The following MIS18A variants were observed in gnomAD, a reference collection of about 807,000 sequenced individuals.
MIS18A encodes protein Mis18-alpha.
In MIS18A, 14 loss-of-function variants were observed where a neutral mutation model predicts 25.0. The ratio of observed to expected loss-of-function variants is 0.56; its 90% CI spans 0.37 to 0.88. The LOEUF (loss-of-function observed/expected upper bound fraction) is 0.88. MIS18A is among the 40% of genes least tolerant of loss of function. The pLI, the probability that MIS18A is intolerant of heterozygous loss-of-function variation, is 0.00. For missense variants in MIS18A, 292 were observed against 290.8 expected, an observed-to-expected ratio of 1.00 and a Z score of -0.03; for synonymous variants, 134 against 118.6, an observed-to-expected ratio of 1.13 and a Z score of -0.84.
chr21:32,252,550 A>G, the MIS18A span, among the ~76,000 whole-genome samples: 3 of 152,186 alleles, frequency 2.0e-5, no homozygotes, highest in East Asian at 1.9e-4. Flanking sequence ...ATATTTTTTA[A>G]TGTAGTATTT....
the MIS18A span, among the ~76,000 whole-genome samples, chr21:32,221,501 A>G: frequency 1.3e-5 from 2 of 152,108 alleles, no homozygotes; most frequent in Non-Finnish European, 2.9e-5. Flanking sequence ...GGAAAGGAAA[A>G]ACCGGTACCA....
intron 2 of MIS18A, among the ~76,000 whole-genome samples, chr21:32,274,394 G>A (rs995727887): frequency 5.9e-5 from 9 of 151,776 alleles, no homozygotes; most frequent in Admixed American, 2.0e-4. Flanking sequence ...TAGTGGAGAC[G>A]GGGTTTTGCC....
At chr21:32,168,635 C>G in the MIS18A span, among the ~76,000 whole-genome samples, 1 of 152,026 alleles carries the variant, frequency 6.6e-6, no homozygotes, top group Non-Finnish European at 1.5e-5. Context: ...TGTTGTAAGG[C>G]CCTAGCATTA....
the MIS18A span, among the ~76,000 whole-genome samples, chr21:32,203,763 C>T: frequency 6.6e-6 from 1 of 151,778 alleles, no homozygotes; most frequent in Non-Finnish European, 1.5e-5. Flanking sequence ...ACTACAGGAA[C>T]ATGCCACCAT....
chr21:32,262,955 C>G, the MIS18A span, among the ~76,000 whole-genome samples: 1 of 152,190 alleles, frequency 6.6e-6, no homozygotes, highest in African/African-American at 2.4e-5. Context: ...GAAACTACAA[C>G]TCTATAGACT....
chr21:32,194,697 G>A, the MIS18A span, among the ~76,000 whole-genome samples: 1 of 151,904 alleles, frequency 6.6e-6, no homozygotes, highest in African/African-American at 2.4e-5. Flanking sequence ...AGACACCATG[G>A]AATACTACTC....
At chr21:32,240,128 C>T in the MIS18A span, among the ~76,000 whole-genome samples, 2 of 152,236 alleles carry the variant, frequency 1.3e-5, no homozygotes, top group Admixed American at 6.5e-5. Flanking sequence ...AACGTTGCAT[C>T]GCATTGCTGC....
At chr21:32,214,172 C>T in the MIS18A span, among the ~76,000 whole-genome samples, 9 of 152,280 alleles carry the variant, frequency 5.9e-5, no homozygotes, top group South Asian at 1.7e-3. Context: ...ACCCCACACC[C>T]CACCTCTCTT....
chr21:32,155,406 T>C, the MIS18A span, among the ~76,000 whole-genome samples: 3 of 152,144 alleles, frequency 2.0e-5, no homozygotes, highest in Non-Finnish European at 4.4e-5. Context: ...GCATTAGCAG[T>C]GAAACAGATC....
At chr21:32,190,017 T>C in the MIS18A span, among the ~76,000 whole-genome samples, 1 of 152,204 alleles carries the variant, frequency 6.6e-6, no homozygotes, top group Non-Finnish European at 1.5e-5. Context: ...AGTCTTGGTC[T>C]ACAAAGGTCT....
At chr21:32,268,126 C>A (rs570572929), downstream of MIS18A, 2 of 152,336 alleles carry the variant, frequency 1.3e-5, no homozygotes, top group East Asian at 1.9e-4. Flanking sequence ...CCTGAGCAGG[C>A]CTTCCACACT....
chr21:32,252,445 G>T, the MIS18A span, among the ~76,000 whole-genome samples: 73 of 151,958 alleles, frequency 4.8e-4, no homozygotes, highest in South Asian at 0.013. Context: ...GAAGGGGAGA[G>T]GAGGAGGAAA....
At chr21:32,183,491 T>C in the MIS18A span, among the ~76,000 whole-genome samples, 104 of 152,330 alleles carry the variant, frequency 6.8e-4, 1 homozygote, top group Admixed American at 2.5e-3. Context: ...CACAAACTCA[T>C]ATGAATGACT....
chr21:32,269,908 T>C (rs1325431597), intron 3 of MIS18A, 105 bp from the exon 4 acceptor site: 4 of 725,298 alleles, frequency 5.5e-6, no homozygotes, highest in Non-Finnish European at 9.6e-6. Flanking sequence ...GGCTAGGAGT[T>C]TGAAACCAGC....
At chr21:32,215,381 T>C in the MIS18A span, among the ~76,000 whole-genome samples, 1 of 152,234 alleles carries the variant, frequency 6.6e-6, no homozygotes, top group Admixed American at 6.5e-5. Context: ...GACCCACTGT[T>C]AAAAGCATCT....
chr21:32,267,827 A>G (rs984764267), downstream of MIS18A, among the ~76,000 whole-genome samples: 12 of 152,224 alleles, frequency 7.9e-5, no homozygotes, highest in Admixed American at 3.3e-4. Context: ...TTGCTTCCAC[A>G]GCACCATAGT....
chr21:32,173,995 T>A, the MIS18A span, among the ~76,000 whole-genome samples: 1 of 136,862 alleles, frequency 7.3e-6, no homozygotes, highest in Non-Finnish European at 1.6e-5. Context: ...AGACGGAGTC[T>A]CACTCTGTTA....
the MIS18A span, among the ~76,000 whole-genome samples, chr21:32,191,968 C>A: frequency 6.6e-6 from 1 of 152,076 alleles, no homozygotes; most frequent in African/African-American, 2.4e-5. Context: ...AAATTATCTC[C>A]CCTTACCCCC....
chr21:32,178,436 T>G, the MIS18A span, among the ~76,000 whole-genome samples: 1 of 152,222 alleles, frequency 6.6e-6, no homozygotes, highest in Non-Finnish European at 1.5e-5. Flanking sequence ...GACTTTCTTC[T>G]GGATTCATTT....
Sources: allele counts gnomAD v4.1 joint callset (sites outside exome capture counted in the v4.1 genomes callset), GRCh38; gene constraint gnomAD v4.1.1; transcripts MANE v1.5; gene names NCBI Gene and HGNC (gene_info 2026-07-23, HGNC 2026-07-21).